Variants in TET1 observed in about 807,000 individuals in gnomAD.
The protein encoded by TET1 is methylcytosine dioxygenase TET1.
A neutral mutation model predicts 148.7 loss-of-function variants in TET1; 13 were observed. The observed-to-expected ratio is 0.09, with a 90% CI of 0.06 to 0.14. The LOEUF is 0.14. Among genes scored for constraint, TET1 ranks in the 10% least tolerant of loss-of-function variants. TET1 has a pLI of 1.00. For missense variants in TET1, 2,182 were observed against 2,553.8 expected, an observed-to-expected ratio of 0.85 and a Z score of 3.14; for synonymous variants, 907 against 937.2, an observed-to-expected ratio of 0.97 and a Z score of 0.59.
rs2054434145 is a variant in TET1 at position 68,624,640 on chromosome 10, CTTTCTT to C, written c.1969-20056_1969-20051del. 2.5e-4 allele frequency among the ~76,000 whole-genome samples: 12 copies of C among 47,940 alleles called. No homozygotes were observed. In the Admixed American group the frequency reaches 2.7e-3, roughly 11 times the overall value. 31.5% of individuals were successfully genotyped at this position (47,940 alleles called of 152,430 possible). A position where few individuals can be genotyped will look rare whatever the true frequency, so the allele number is the denominator to read the frequency against. The stretch of plus-strand genomic sequence containing the variant: ...TCTTTCTTTCTTTCTTTCTTTCTTT[CTTTCTT>C]TCTTTCTTTCTTTCTCTCTCTCTCT... On this transcript the variant is annotated intron_variant, in intron 3 of 11. Coordinates refer to ENST00000373644, the MANE Select transcript of TET1 (RefSeq NM_030625.3).
chr10:68,571,974 A>G (rs1365885574), intron 1 of TET1, among the ~76,000 whole-genome samples: 1 of 152,086 alleles, frequency 6.6e-6, no homozygotes, highest in African/African-American at 2.4e-5. Flanking sequence ...AAAATTAGCC[A>G]GGTGTGATGG....
rs368049433 is a variant in TET1, at chr10:68,636,979, CGTTGTGTGTGTGT to C, written c.1969-7716_1969-7704del. Among the ~76,000 whole-genome samples, 1,036 of 115,114 alleles carry C rather than the reference CGTTGTGTGTGTGT, an allele frequency of 9.0e-3. 14 individuals carry two copies. Among genetic ancestry groups the C allele is most frequent in the African/African-American group, 0.04 (971 of 24,466 alleles). 75.5% of individuals were successfully genotyped at this position (115,114 alleles called of 152,430 possible). A position where few individuals can be genotyped will look rare whatever the true frequency, so the allele number is the denominator to read the frequency against. On this transcript the variant is annotated intron_variant, in intron 3 of 11. Transcript: ENST00000373644. The stretch of plus-strand genomic sequence containing the variant: ...GACTTTTGTTTTCTATTATTTTACT[CGTTGTGTGTGTGT>C]GTGTGTGTGTGTGTGTGAGTGTGTG...
chr10:68,652,447 C>A, intron 5 of TET1, 54 bp from the exon 6 acceptor site: 2 of 1,342,282 alleles, frequency 1.5e-6, no homozygotes, highest in Non-Finnish European at 2.1e-6. Context: ...CCAAAGCCTT[C>A]AAGTACAGAT....
intron 3 of TET1, among the ~76,000 whole-genome samples, chr10:68,636,879 G>A (rs2054657839): frequency 6.6e-6 from 1 of 152,150 alleles, no homozygotes; most frequent in Non-Finnish European, 1.5e-5. Flanking sequence ...TCAGCTGATG[G>A]CTGTAGTCAG....
chr10:68,564,704 A>C (rs1477954344), intron 1 of TET1, among the ~76,000 whole-genome samples: 3 of 151,998 alleles, frequency 2.0e-5, no homozygotes, highest in Admixed American at 2.0e-4. Flanking sequence ...ACTTTCACTG[A>C]CTCTTGAAGA....
intron 1 of TET1, among the ~76,000 whole-genome samples, chr10:68,570,393 C>T (rs1462910910): frequency 6.6e-6 from 1 of 152,056 alleles, no homozygotes; most frequent in Non-Finnish European, 1.5e-5. Flanking sequence ...GCGTGAGCCA[C>T]CGCGCCCAGC....
In TET1 at chr10:68,694,359, A is replaced by AT. The variant is rs561806573; in HGVS notation, c.*2553dup. The AT allele has an allele frequency of 6.0e-5, 14 of 232,136 alleles. No individual in the cohort carries two copies. The highest frequency in any genetic ancestry group is 2.5e-3 in the Middle Eastern group (2 of 802). 14.4% of individuals were successfully genotyped at this position (232,136 alleles called of 1,614,324 possible). On this transcript the variant is annotated 3_prime_UTR_variant, in exon 12 of 12. Transcript: ENST00000373644. The stretch of plus-strand genomic sequence containing the variant: ...TTACCATCCCATTCTCTGCCCTGTG[A>AT]TTTTTTTTAAAAGCTTATTCAATGT...
chr10:68,604,579 T>A (rs10998326), intron 3 of TET1, among the ~76,000 whole-genome samples: 2,133 of 152,276 alleles, frequency 0.014, 55 homozygotes, highest in African/African-American at 0.049. Flanking sequence ...ATAAATGCCC[T>A]GCTCTCCAGT....
At chr10:68,650,621 A>G (rs1009283492) in intron 4 of TET1, among the ~76,000 whole-genome samples, 20 of 152,094 alleles carry the variant, frequency 1.3e-4, no homozygotes, top group African/African-American at 4.6e-4. Context: ...ACAAGAGTGA[A>G]ACGCCATCTC....
At chr10:68,578,543 C>T (rs2053757818) in intron 2 of TET1, among the ~76,000 whole-genome samples, 1 of 152,102 alleles carries the variant, frequency 6.6e-6, no homozygotes, top group East Asian at 1.9e-4. Context: ...CTGCGCGTGG[C>T]TGATTTTTGA....
chr10:68,589,108 C>T (rs777243826), intron 2 of TET1, among the ~76,000 whole-genome samples: 2 of 151,750 alleles, frequency 1.3e-5, no homozygotes, highest in Admixed American at 6.6e-5. Flanking sequence ...GGGCAGAAGA[C>T]CCTTTCTCAA....
At chr10:68,605,286 A>T (rs964816970) in intron 3 of TET1, among the ~76,000 whole-genome samples, 2 of 152,096 alleles carry the variant, frequency 1.3e-5, no homozygotes, top group African/African-American at 4.8e-5. Context: ...CAGCCTGACC[A>T]ACATAGAGAA....
chr10:68,637,738 A>C (rs1056397960), intron 3 of TET1, among the ~76,000 whole-genome samples: 1 of 150,508 alleles, frequency 6.6e-6, no homozygotes, highest in Admixed American at 6.6e-5. Context: ...CCAGTGTGGT[A>C]GGGCACACCT....
chr10:68,595,987 C>CCAT (rs1383251840), intron 2 of TET1, among the ~76,000 whole-genome samples: 2,598 of 54,146 alleles, frequency 0.048, 153 homozygotes, highest in Admixed American at 0.088. Flanking sequence ...CATATATACA[C>CCAT]ACACACACAC....
At chr10:68,563,490 C>T (rs888554382) in intron 1 of TET1, among the ~76,000 whole-genome samples, 1 of 152,224 alleles carries the variant, frequency 6.6e-6, no homozygotes, top group Non-Finnish European at 1.5e-5. Flanking sequence ...GCAACTAGCT[C>T]TATGTATGCA....
At chr10:68,567,389 G>A (rs975130945) in intron 1 of TET1, among the ~76,000 whole-genome samples, 2 of 152,004 alleles carry the variant, frequency 1.3e-5, no homozygotes, top group Non-Finnish European at 2.9e-5. Context: ...AACCCGGGAG[G>A]GTTCAAGTGA....
At chr10:68,623,696 A>G (rs10998339) in intron 3 of TET1, among the ~76,000 whole-genome samples, 50,696 of 152,114 alleles carry the variant, frequency 0.33, 8,812 homozygotes, top group Middle Eastern at 0.4. Flanking sequence ...CCACCAGGCA[A>G]CGGGTAAAGT....
intron 2 of TET1, among the ~76,000 whole-genome samples, chr10:68,600,460 G>A (rs781635584): frequency 3.3e-5 from 5 of 152,178 alleles, no homozygotes; most frequent in Admixed American, 1.3e-4. Context: ...GGTGAGAGCC[G>A]AGCCGCACAG....
intron 3 of TET1, among the ~76,000 whole-genome samples, chr10:68,644,476 G>C (rs905571965): frequency 6.6e-6 from 1 of 152,158 alleles, no homozygotes; most frequent in African/African-American, 2.4e-5. Flanking sequence ...AAAGTGCTGC[G>C]ATTACAGGTG....
Sources: gnomAD v4.1 joint callset for allele counts (sites outside exome capture counted in the v4.1 genomes callset) on GRCh38, gnomAD v4.1.1 for gene constraint, MANE v1.5 for transcripts, NCBI Gene and HGNC (gene_info 2026-07-23, HGNC 2026-07-21) for gene names.